GMDS: variants seen among roughly 807,000 people sequenced by gnomAD.
GMDS encodes the protein GDP-mannose 4,6-dehydratase, also known as GDP-mannose 4,6 dehydratase.
A neutral mutation model predicts 49.9 loss-of-function variants in GMDS; 20 were observed. That is an observed-to-expected ratio of 0.40 (90% CI 0.28 to 0.58). GMDS has a LOEUF of 0.58. Ranked by LOEUF, GMDS falls within the 20% of genes least tolerant of loss-of-function variation. The probability of loss-of-function intolerance (pLI) is 0.42; values close to 1 mark genes in which losing one functional copy is unlikely to be tolerated. For missense variants in GMDS, 362 were observed against 481.4 expected, an observed-to-expected ratio of 0.75 and a Z score of 2.32; for synonymous variants, 177 against 178.6, an observed-to-expected ratio of 0.99 and a Z score of 0.07.
chr6:2,062,438 C>A (rs1470324835), intron 4 of GMDS, among the ~76,000 whole-genome samples: 1 of 152,074 alleles, frequency 6.6e-6, no homozygotes. Flanking sequence ...GAAGAGGGAT[C>A]CCATACACTT....
At chr6:2,085,802 C>T (rs367987961) in intron 4 of GMDS, among the ~76,000 whole-genome samples, 1 of 152,162 alleles carries the variant, frequency 6.6e-6, no homozygotes, top group Non-Finnish European at 1.5e-5. Context: ...TGCTGGATTA[C>T]AGGCGTGAGT....
intron 7 of GMDS, among the ~76,000 whole-genome samples, chr6:1,814,922 G>A (rs2113689078): frequency 6.6e-6 from 1 of 152,176 alleles, no homozygotes; most frequent in African/African-American, 2.4e-5. Flanking sequence ...TAATTGACTT[G>A]TACTAAGGAA....
chr6:1,924,831 G>A (rs1761911001), intron 7 of GMDS, among the ~76,000 whole-genome samples: 1 of 152,152 alleles, frequency 6.6e-6, no homozygotes, highest in African/African-American at 2.4e-5. Context: ...TATGGAGAGA[G>A]GTGGGCATAA....
rs368304514 is a variant in GMDS at position 1,999,970 on chromosome 6, TTA to T, written c.346-39006_346-39005del. On this transcript the variant is annotated intron_variant, in intron 4 of 10. Transcript: ENST00000380815. Reference sequence around the variant, plus strand: ...ATATAATATGTATATTATATATATATTATATATATATTTTATATATATATATT... The same window carrying T: ...ATATAATATGTATATTATATATATATTATATATATTTTATATATATATATT... Among the ~76,000 whole-genome samples, 4 of 11,196 alleles carry T rather than the reference TTA, an allele frequency of 3.6e-4. 1 individual carries two copies. Among genetic ancestry groups the T allele is most frequent in the South Asian group, 9.8e-3 (2 of 204 alleles). 7.3% of individuals were successfully genotyped at this position (11,196 alleles called of 152,430 possible).
At chr6:1,691,079 A>G (rs1765151569) in intron 9 of GMDS, among the ~76,000 whole-genome samples, 1 of 152,248 alleles carries the variant, frequency 6.6e-6, no homozygotes, top group African/African-American at 2.4e-5. Context: ...TTGCAGTGCT[A>G]GTCACAATAG....
chr6:2,095,171 T>C (rs928760969), intron 4 of GMDS, among the ~76,000 whole-genome samples: 1 of 152,158 alleles, frequency 6.6e-6, no homozygotes, highest in Non-Finnish European at 1.5e-5. Context: ...GTTGCAGTGG[T>C]GTAGTTGTCC....
At chr6:1,741,960 C>T (rs1025609174) in intron 8 of GMDS, among the ~76,000 whole-genome samples, 2 of 145,490 alleles carry the variant, frequency 1.4e-5, no homozygotes, top group African/African-American at 5.1e-5. Context: ...CTTGCTCTTT[C>T]ACCCAGGCTG....
At chr6:2,015,909 T>C (rs1767861552) in intron 4 of GMDS, among the ~76,000 whole-genome samples, 1 of 151,904 alleles carries the variant, frequency 6.6e-6, no homozygotes, top group Non-Finnish European at 1.5e-5. Flanking sequence ...GCAACCTCAG[T>C]TTATGGTTTT....
rs532452746 is a variant in GMDS at position 2,044,040 on chromosome 6, G to A, written c.345+71731C>T. Among the ~76,000 whole-genome samples, 6 of 152,218 alleles carry A rather than the reference G, an allele frequency of 3.9e-5. No individual in the cohort carries two copies. In the South Asian group the frequency reaches 1.2e-3, roughly 32 times the overall value. On this transcript the variant is annotated intron_variant, in intron 4 of 10. Transcript: ENST00000380815. ...ATATCATCTCACACCAGTCAGAATG[G>A]CTATTATTAAAAAGTCAAAATAAAA...
intron 7 of GMDS, among the ~76,000 whole-genome samples, chr6:1,829,347 T>C (rs1026035876): frequency 7.9e-5 from 12 of 152,272 alleles, no homozygotes; most frequent in African/African-American, 2.9e-4. Context: ...TTTTAAATGT[T>C]TGTATAACCA....
At chr6:2,216,845 C>T (rs1780360051) in intron 1 of GMDS, among the ~76,000 whole-genome samples, 1 of 152,214 alleles carries the variant, frequency 6.6e-6, no homozygotes, top group Admixed American at 6.5e-5. Context: ...TTCCCACCCG[C>T]CTCTCCTGGG....
chr6:1,843,559 T>A (rs1480637587), intron 7 of GMDS, among the ~76,000 whole-genome samples: 1 of 151,986 alleles, frequency 6.6e-6, no homozygotes, highest in Non-Finnish European at 1.5e-5. Flanking sequence ...CTCAAGCTCA[T>A]GAGTTTGAGA....
At chr6:1,962,515 C>T (rs555286300) in intron 4 of GMDS, among the ~76,000 whole-genome samples, 2 of 152,356 alleles carry the variant, frequency 1.3e-5, no homozygotes, top group South Asian at 4.1e-4. Flanking sequence ...TTCTCACCAT[C>T]AATGAACAAG....
chr6:1,880,778 C>T (rs896277606), intron 7 of GMDS, among the ~76,000 whole-genome samples: 4 of 152,180 alleles, frequency 2.6e-5, no homozygotes, highest in African/African-American at 9.7e-5. Flanking sequence ...AAGATAACTT[C>T]AGCAGCAGAA....
chr6:1,850,089 T>C (rs1757591109), intron 7 of GMDS, among the ~76,000 whole-genome samples: 3 of 152,328 alleles, frequency 2.0e-5, no homozygotes, highest in East Asian at 1.9e-4. Flanking sequence ...TGCCTTTTCT[T>C]CCTAATCCTC....
At position 1,973,800 on chromosome 6, in the gene GMDS, G is replaced by A. The variant is rs187292676; in HGVS notation, c.346-12834C>T. Among the ~76,000 whole-genome samples, 4 of 152,134 alleles carry A rather than the reference G, an allele frequency of 2.6e-5. No individual in the cohort carries two copies. In the East Asian group the frequency reaches 5.8e-4, roughly 22 times the overall value. ...TCTTTAGTTAATAGATAAAATGACAGAACAACAACAAAAAAAAGAGAACTT... is the reference window on the plus strand; with the variant it reads ...TCTTTAGTTAATAGATAAAATGACAAAACAACAACAAAAAAAAGAGAACTT... On this transcript the variant is annotated intron_variant, in intron 4 of 10. Coordinates refer to ENST00000380815, the MANE Select transcript of GMDS (RefSeq NM_001500.4).
At chr6:1,781,827 A>G (rs1262285388) in intron 7 of GMDS, among the ~76,000 whole-genome samples, 2 of 151,662 alleles carry the variant, frequency 1.3e-5, no homozygotes, top group African/African-American at 4.8e-5. Flanking sequence ...GAATAATAAT[A>G]TAGAACTGGT....
chr6:1,875,211 A>C (rs1406998885), intron 7 of GMDS, among the ~76,000 whole-genome samples: 1 of 152,130 alleles, frequency 6.6e-6, no homozygotes, highest in Non-Finnish European at 1.5e-5. Flanking sequence ...GAGAACCTCA[A>C]TTTTGATGTT....
intron 7 of GMDS, among the ~76,000 whole-genome samples, chr6:1,918,204 T>C (rs1051956932): frequency 7.9e-5 from 12 of 152,078 alleles, no homozygotes; most frequent in African/African-American, 2.9e-4. Context: ...AGAGCCCTCC[T>C]TGGAACTCTG....
Sources: allele counts gnomAD v4.1 joint callset (sites outside exome capture counted in the v4.1 genomes callset), GRCh38; gene constraint gnomAD v4.1.1; transcripts MANE v1.5; gene names NCBI Gene and HGNC (gene_info 2026-07-23, HGNC 2026-07-21).